CA10: variants seen among roughly 807,000 people sequenced by gnomAD.
The protein encoded by CA10 is carbonic anhydrase-related protein 10.
In CA10, 14 loss-of-function variants were observed where a neutral mutation model predicts 44.2. That is an observed-to-expected ratio of 0.32 (90% CI 0.21 to 0.50). The LOEUF (loss-of-function observed/expected upper bound fraction) is 0.50. Ranked by LOEUF, CA10 falls within the 20% of genes least tolerant of loss-of-function variation. The probability of loss-of-function intolerance (pLI) is 0.99; values close to 1 mark genes in which losing one functional copy is unlikely to be tolerated. For missense variants in CA10, 350 were observed against 409.7 expected, an observed-to-expected ratio of 0.85 and a Z score of 1.26; for synonymous variants, 159 against 141.6, an observed-to-expected ratio of 1.12 and a Z score of -0.87.
chr17:51,868,659 T>C (rs1327363179), intron 3 of CA10, among the ~76,000 whole-genome samples: 1 of 152,184 alleles, frequency 6.6e-6, no homozygotes, highest in East Asian at 1.9e-4. Flanking sequence ...TTTCTCTCCC[T>C]AGTCCAGCAC....
At chr17:51,825,823 C>T (rs1328897494) in intron 3 of CA10, among the ~76,000 whole-genome samples, 1 of 152,220 alleles carries the variant, frequency 6.6e-6, no homozygotes. Context: ...CGTTGCACAA[C>T]AGGCAGTATA....
rs66635963 is a variant in CA10, at chr17:51,831,667, AAGCAGC to A, written c.280-83855_280-83850del. 5.0e-3 allele frequency among the ~76,000 whole-genome samples: 640 copies of A among 127,476 alleles called. 10 individuals carry two copies. The highest frequency in any genetic ancestry group is 0.014 in the South Asian group (48 of 3,312). The allele number at this position is 127,476 out of a possible 152,430, so 83.6% of individuals were successfully genotyped here. A position where few individuals can be genotyped will look rare whatever the true frequency, so the allele number is the denominator to read the frequency against. On this transcript the variant is annotated intron_variant, in intron 3 of 8. Transcript: ENST00000451037. ...TGGATTGTTCCAAGGAGAAAAGAAA[AAGCAGC>A]AGCAGCAGCAGCAGCAGCAGCAGCA...
chr17:52,058,820 C>T (rs887778211), intron 2 of CA10, among the ~76,000 whole-genome samples: 3 of 152,070 alleles, frequency 2.0e-5, no homozygotes, highest in South Asian at 2.1e-4. Flanking sequence ...GATCCCACCA[C>T]TCATGTCTCA....
chr17:51,835,944 G>C (rs987673936), intron 3 of CA10, among the ~76,000 whole-genome samples: 1 of 152,000 alleles, frequency 6.6e-6, no homozygotes, highest in Admixed American at 6.5e-5. Flanking sequence ...AGGAATGGAA[G>C]GAAGAACATG....
chr17:51,788,481 TATTTC>T (rs1328279152), intron 3 of CA10, among the ~76,000 whole-genome samples: 1 of 152,240 alleles, frequency 6.6e-6, no homozygotes, highest in Non-Finnish European at 1.5e-5. Flanking sequence ...GTGCCTAGCT[TATTTC>T]ATTTAACATG....
rs149613762 is a variant in CA10, at chr17:51,636,134, A to G, written c.635-125T>C. 2.7e-4 allele frequency: 134 copies of G among 505,392 alleles called. 1 individual carries two copies. The East Asian group carries it at 3.4e-3, about 13-fold the overall frequency. The allele number at this position is 505,392 out of a possible 1,614,324, so 31.3% of individuals were successfully genotyped here. ...TACATATATACACACACAGATATAT[A>G]TGTATTTCTTTTGGAATTCCAGAAG... is the stretch of plus-strand genomic sequence containing the variant. On this transcript the variant is annotated intron_variant, in intron 6 of 8. Transcript: ENST00000451037.
At chr17:52,113,625 T>G (rs757485206) in intron 1 of CA10, among the ~76,000 whole-genome samples, 7 of 152,218 alleles carry the variant, frequency 4.6e-5, no homozygotes, top group Non-Finnish European at 8.8e-5. Flanking sequence ...TAAATTCAGA[T>G]AGTTAATATT....
intron 1 of CA10, among the ~76,000 whole-genome samples, chr17:52,128,091 A>T (rs922921853): frequency 1.3e-5 from 2 of 152,188 alleles, no homozygotes; most frequent in African/African-American, 4.8e-5. Flanking sequence ...AGAAATCTGA[A>T]TCTGGGCTGG....
chr17:51,645,859 A>G (rs1232716160), intron 6 of CA10, among the ~76,000 whole-genome samples: 2 of 152,198 alleles, frequency 1.3e-5, no homozygotes, highest in Non-Finnish European at 2.9e-5. Context: ...CAGGATTTTC[A>G]TGTTGAGCTT....
intron 2 of CA10, among the ~76,000 whole-genome samples, chr17:51,985,633 C>G (rs1417921255): frequency 6.6e-6 from 1 of 151,846 alleles, no homozygotes; most frequent in Non-Finnish European, 1.5e-5. Context: ...CCAAAAAGCT[C>G]TTAGAACTGA....
intron 3 of CA10, among the ~76,000 whole-genome samples, chr17:51,815,895 C>T (rs1395069517): frequency 6.6e-6 from 1 of 152,016 alleles, no homozygotes; most frequent in Non-Finnish European, 1.5e-5. Context: ...GCGTATCCAC[C>T]TCCTCAAACA....
At chr17:52,022,122 C>T (rs1470254172) in intron 2 of CA10, among the ~76,000 whole-genome samples, 2 of 151,928 alleles carry the variant, frequency 1.3e-5, no homozygotes, top group Non-Finnish European at 2.9e-5. Context: ...AGCATCAGCT[C>T]AACATTAAAG....
At chr17:51,956,494 T>C (rs76732641) in intron 2 of CA10, among the ~76,000 whole-genome samples, 1 of 152,344 alleles carries the variant, frequency 6.6e-6, no homozygotes, top group African/African-American at 2.4e-5. Context: ...TATTTTATTG[T>C]GTGGATACAC....
chr17:51,929,029 C>T (rs1982543569), intron 3 of CA10, among the ~76,000 whole-genome samples: 1 of 152,080 alleles, frequency 6.6e-6, no homozygotes, highest in Non-Finnish European at 1.5e-5. Context: ...TGCCAAGATT[C>T]CAAACTCCAA....
At chr17:52,143,146 T>C (rs1173234516) in intron 1 of CA10, among the ~76,000 whole-genome samples, 20 of 152,174 alleles carry the variant, frequency 1.3e-4, no homozygotes, top group Admixed American at 1.3e-3. Flanking sequence ...TTTAATACAA[T>C]CCCAGTGCAC....
chr17:51,663,234 A>AAG (rs533601658), intron 4 of CA10, among the ~76,000 whole-genome samples: 150,086 of 150,090 alleles, frequency 1, 75,041 homozygotes, highest in Middle Eastern at 1. Context: ...GCGTTTCGAG[A>AAG]CCACTTTTTC....
intron 1 of CA10, among the ~76,000 whole-genome samples, chr17:52,123,371 GGTGTGTGT>G (rs34184028): frequency 6.8e-6 from 1 of 146,244 alleles, no homozygotes; most frequent in Non-Finnish European, 1.5e-5. Flanking sequence ...ATATATATGG[GGTGTGTGT>G]GTGTGTGTGT....
intron 3 of CA10, among the ~76,000 whole-genome samples, chr17:51,769,003 G>A (rs1905496325): frequency 6.6e-6 from 1 of 152,148 alleles, no homozygotes; most frequent in East Asian, 1.9e-4. Context: ...TGTCTGCAAT[G>A]ATGTGCATGT....
At chr17:51,698,347 C>G (rs1054713493) in intron 4 of CA10, among the ~76,000 whole-genome samples, 20 of 152,210 alleles carry the variant, frequency 1.3e-4, no homozygotes, top group Non-Finnish European at 2.9e-5. Flanking sequence ...TCAGTTTTCA[C>G]TTAGGACCAG....
Sources: allele counts gnomAD v4.1 joint callset (sites outside exome capture counted in the v4.1 genomes callset), GRCh38; gene constraint gnomAD v4.1.1; transcripts MANE v1.5; gene names NCBI Gene and HGNC (gene_info 2026-07-23, HGNC 2026-07-21).